The following IPO7 variants were observed in gnomAD, a reference collection of about 807,000 sequenced individuals.
IPO7 encodes importin-7.
IPO7 carries 13 observed loss-of-function variants against 136.4 expected under a neutral mutation model. The observed-to-expected ratio is 0.10, with a 90% CI of 0.06 to 0.15. The LOEUF (loss-of-function observed/expected upper bound fraction) is 0.15, where lower values mean the gene tolerates loss of function less well. IPO7 is among the 10% of genes least tolerant of loss of function. The pLI, the probability that IPO7 is intolerant of heterozygous loss-of-function variation, is 1.00. For synonymous variants in IPO7, 403 were observed against 404.4 expected (o/e 1.00, Z 0.04); for missense variants, 857 against 1,240.6 (o/e 0.69, Z 4.65).
chr11:9,413,652 A>AT (rs1854999700), intron 4 of IPO7, among the ~76,000 whole-genome samples: 1 of 151,914 alleles, frequency 6.6e-6, no homozygotes, highest in Non-Finnish European at 1.5e-5. Flanking sequence ...AAGTGAGGAT[A>AT]CTCATGTGGG....
chr11:9,427,735 C>T (rs1343663018), intron 12 of IPO7, among the ~76,000 whole-genome samples: 1 of 152,164 alleles, frequency 6.6e-6, no homozygotes, highest in East Asian at 1.9e-4. Flanking sequence ...TAATACCTTA[C>T]ATAGGTAGGC....
chr11:9,425,123 A>G, intron 11 of IPO7, 23 bp from the exon 12 acceptor site: 1 of 1,470,652 alleles, frequency 6.8e-7, no homozygotes, highest in East Asian at 2.3e-5. Flanking sequence ...ATTCAGTAAC[A>G]ATACTTTTCT....
chr11:9,437,603 A>G, intron 20 of IPO7, 151 bp from the exon 21 acceptor site: 1 of 640,254 alleles, frequency 1.6e-6, no homozygotes. Flanking sequence ...TTTCTCTAAA[A>G]TTAGATTTCC....
chr11:9,398,006 C>T (rs1854739959), intron 1 of IPO7, among the ~76,000 whole-genome samples: 1 of 152,188 alleles, frequency 6.6e-6, no homozygotes, highest in South Asian at 2.1e-4. Flanking sequence ...GCAGTTCTTT[C>T]CAGGAATTCA....
intron 5 of IPO7, among the ~76,000 whole-genome samples, chr11:9,416,590 T>C (rs911146517): frequency 1.3e-5 from 2 of 152,198 alleles, no homozygotes; most frequent in African/African-American, 4.8e-5. Flanking sequence ...ATTGGCCTAC[T>C]GAGAAATAGG....
Position 9,442,076 on chromosome 11 carries a change from G to T in IPO7, c.2903-5G>T. The T allele has an allele frequency of 1.4e-6, 2 of 1,400,702 alleles. No individual in the cohort carries two copies. The highest frequency in any genetic ancestry group is 2.3e-5 in the East Asian group (1 of 43,734). The allele number at this position is 1,400,702 out of a possible 1,614,324, so 86.8% of individuals were successfully genotyped here. A position where few individuals can be genotyped will look rare whatever the true frequency, so the allele number is the denominator to read the frequency against. On this transcript the variant is annotated splice_polypyrimidine_tract_variant and splice_region_variant and intron_variant, in intron 23 of 24. Coordinates refer to ENST00000379719, the MANE Select transcript of IPO7 (RefSeq NM_006391.3). ...TGTTTTTCCCTTGTTTTTATTTTTT[G>T]ATAGCTATTCAAAATCGTAATCCTG...
chr11:9,385,370 G>A (rs910584308), intron 1 of IPO7, among the ~76,000 whole-genome samples: 67 of 152,152 alleles, frequency 4.4e-4, no homozygotes, highest in African/African-American at 1.6e-3. Flanking sequence ...CTCCTCTCTG[G>A]CTGAGTTGCT....
chr11:9,388,148 A>AAAAAAT (rs1243452234), intron 1 of IPO7, among the ~76,000 whole-genome samples: 15 of 151,574 alleles, frequency 9.9e-5, no homozygotes, highest in Non-Finnish European at 1.6e-4. Context: ...ACTGCGTCTC[A>AAAAAAT]AAAAATAAAA....
chr11:9,406,273 G>A (rs1854886369), intron 2 of IPO7, among the ~76,000 whole-genome samples: 3 of 151,768 alleles, frequency 2.0e-5, no homozygotes, highest in African/African-American at 7.3e-5. Flanking sequence ...AAAGTGCTGG[G>A]ATCAAAGACG....
chr11:9,436,174 T>C, intron 19 of IPO7, 97 bp from the exon 20 acceptor site: 2 of 634,378 alleles, frequency 3.2e-6, no homozygotes, highest in Non-Finnish European at 5.6e-6. Context: ...CAAGTAATAC[T>C]CAGAGCCTGT....
At chr11:9,427,401 C>T (rs1431311488) in intron 12 of IPO7, among the ~76,000 whole-genome samples, 3 of 151,954 alleles carry the variant, frequency 2.0e-5, no homozygotes, top group Admixed American at 6.6e-5. Flanking sequence ...GCTGGGACTG[C>T]AGACACCTGC....
chr11:9,444,007 G>T lies in IPO7; in HGVS notation c.3020-1090G>T, dbSNP rs534116991. 3.3e-5 allele frequency among the ~76,000 whole-genome samples: 5 copies of T among 152,228 alleles called. No individual in the cohort carries two copies. The South Asian group carries it at 8.3e-4, about 25-fold the overall frequency. On this transcript the variant is annotated intron_variant, in intron 24 of 24. Transcript: ENST00000379719. ...AGTACATTTTAAGCCAGGCGCGGTG[G>T]CTCACGCCTATAATCCCAGCACTTT...
At chr11:9,415,447 G>C (rs926202334) in intron 5 of IPO7, among the ~76,000 whole-genome samples, 1 of 152,064 alleles carries the variant, frequency 6.6e-6, no homozygotes. Context: ...TAAACTTGTC[G>C]CAAAAATACT....
chr11:9,407,734 C>T (rs757631752), intron 2 of IPO7, among the ~76,000 whole-genome samples: 4 of 152,116 alleles, frequency 2.6e-5, no homozygotes, highest in East Asian at 1.9e-4. Flanking sequence ...TAGAGAAGAT[C>T]GAGTGTTTTG....
At chr11:9,429,600 C>G in intron 14 of IPO7, 74 bp from the exon 15 acceptor site, 1 of 1,215,752 alleles carries the variant, frequency 8.2e-7, no homozygotes, top group Non-Finnish European at 1.2e-6. Context: ...TTAAAAAACT[C>G]ATCGATATTT....
chr11:9,429,331 A>G (rs1855259969), intron 14 of IPO7, 135 bp downstream of exon 14: 1 of 725,670 alleles, frequency 1.4e-6, no homozygotes, highest in South Asian at 1.9e-5. Flanking sequence ...CCTGGGCAAC[A>G]TCTCTACAAA....
At chr11:9,418,932 A>G (rs975581408) in intron 6 of IPO7, among the ~76,000 whole-genome samples, 4 of 152,154 alleles carry the variant, frequency 2.6e-5, no homozygotes, top group Non-Finnish European at 5.9e-5. Flanking sequence ...TTCATGTTGT[A>G]TAGTGGTAGT....
chr11:9,423,434 G>C lies in IPO7; in HGVS notation c.1041+294G>C, dbSNP rs1381485762. 2.0e-5 allele frequency among the ~76,000 whole-genome samples: 3 copies of C among 152,168 alleles called. No individual in the cohort carries two copies. In the East Asian group the frequency reaches 5.8e-4, roughly 29 times the overall value. On this transcript the variant is annotated intron_variant, in intron 9 of 24. Coordinates refer to ENST00000379719, the MANE Select transcript of IPO7 (RefSeq NM_006391.3). Reference sequence around the variant, plus strand: ...TATCATGTAATTTGGAGTAGCCAAGGGACTTTATCTCACCAGATTCATTTC... The same window carrying C: ...TATCATGTAATTTGGAGTAGCCAAGCGACTTTATCTCACCAGATTCATTTC...
intron 1 of IPO7, among the ~76,000 whole-genome samples, chr11:9,402,505 C>T (rs963674955): frequency 1.7e-4 from 26 of 150,710 alleles, no homozygotes; most frequent in Non-Finnish European, 3.4e-4. Flanking sequence ...GGGTGGATCA[C>T]GAGGTCAGGA....
Sources: allele counts gnomAD v4.1 joint callset (sites outside exome capture counted in the v4.1 genomes callset), GRCh38; gene constraint gnomAD v4.1.1; transcripts MANE v1.5; gene names NCBI Gene and HGNC (gene_info 2026-07-23, HGNC 2026-07-21).